Variants in GALNT14 observed in about 807,000 individuals in gnomAD.
GALNT14 encodes UDP-GalNAc:polypeptide N-acetylgalactosaminyltransferase 14.
GALNT14 carries 60 observed loss-of-function variants against 77.5 expected under a neutral mutation model. The observed-to-expected ratio is 0.77, with a 90% CI of 0.63 to 0.96. The LOEUF (loss-of-function observed/expected upper bound fraction) is 0.96, where lower values mean the gene tolerates loss of function less well. Among genes scored for constraint, GALNT14 ranks in the 40% least tolerant of loss-of-function variants. The pLI, the probability that GALNT14 is intolerant of heterozygous loss-of-function variation, is 0.00. For synonymous variants in GALNT14, 280 were observed against 281.7 expected, an observed-to-expected ratio of 0.99 and a Z score of 0.06; for missense variants, 710 against 731.0, an observed-to-expected ratio of 0.97 and a Z score of 0.33.
At chr2:31,062,954 T>C (rs1674697821) in intron 1 of GALNT14, among the ~76,000 whole-genome samples, 1 of 152,252 alleles carries the variant, frequency 6.6e-6, no homozygotes, top group Non-Finnish European at 1.5e-5. Flanking sequence ...TTGTAGATTC[T>C]GGATATTAGA....
At chr2:30,933,459 T>A (rs1665868546) in intron 9 of GALNT14, among the ~76,000 whole-genome samples, 1 of 152,110 alleles carries the variant, frequency 6.6e-6, no homozygotes, top group Admixed American at 6.5e-5. Context: ...CCTGCTCTCA[T>A]TCCCCTGTCC....
At chr2:31,063,819 A>G (rs577889904) in intron 1 of GALNT14, among the ~76,000 whole-genome samples, 1 of 152,080 alleles carries the variant, frequency 6.6e-6, no homozygotes, top group African/African-American at 2.4e-5. Flanking sequence ...TCTTTGTAGC[A>G]ATTCTGAATG....
chr2:31,112,077 T>C (rs1677867807), intron 1 of GALNT14, among the ~76,000 whole-genome samples: 1 of 151,962 alleles, frequency 6.6e-6, no homozygotes, highest in African/African-American at 2.4e-5. Context: ...CCATTTCAAT[T>C]GCCAATGCCA....
intron 1 of GALNT14, among the ~76,000 whole-genome samples, chr2:31,007,837 C>G (rs1231639197): frequency 6.6e-6 from 1 of 152,084 alleles, no homozygotes; most frequent in African/African-American, 2.4e-5. Context: ...ATTTCCAGAG[C>G]CATATTCTGG....
rs1275263141 is a variant in GALNT14, at chr2:30,995,369, G to A, written c.130-2362C>T. ...TACAGTATTCGGTGTAGGAACAGCT[G>A]TACAAATTTGTATTATAGCCTAGGA... On this transcript the variant is annotated intron_variant, in intron 1 of 14. Transcript: ENST00000349752. Among the ~76,000 whole-genome samples the A allele has an allele frequency of 2.6e-5, 4 of 152,254 alleles. No homozygotes were observed. In the South Asian group the frequency reaches 8.3e-4, roughly 32 times the overall value.
intron 13 of GALNT14, among the ~76,000 whole-genome samples, chr2:30,915,868 T>G (rs1314068705): frequency 6.6e-6 from 1 of 152,202 alleles, no homozygotes; most frequent in Non-Finnish European, 1.5e-5. Context: ...TTACAAAAGC[T>G]TATATGTAAC....
chr2:31,074,019 A>G lies in GALNT14; in HGVS notation c.129+63939T>C, dbSNP rs557436700. ...GTTCTCTGTGCATAGTAATAATTAAATGGGGTTTTACACTGCCAACAGCTG... is the reference window on the plus strand; with the variant it reads ...GTTCTCTGTGCATAGTAATAATTAAGTGGGGTTTTACACTGCCAACAGCTG... On this transcript the variant is annotated intron_variant, in intron 1 of 14. Transcript: ENST00000349752. Among the ~76,000 whole-genome samples, 5 of 152,326 alleles carry G rather than the reference A, an allele frequency of 3.3e-5. No homozygotes were observed. In the South Asian group the frequency reaches 8.3e-4, roughly 25 times the overall value.
chr2:31,134,609 C>T (rs1380781315), intron 1 of GALNT14, among the ~76,000 whole-genome samples: 1 of 152,216 alleles, frequency 6.6e-6, no homozygotes, highest in Non-Finnish European at 1.5e-5. Flanking sequence ...TGAGGGGAGC[C>T]TCCTGTGCCC....
chr2:31,052,796 T>G (rs982266086), intron 1 of GALNT14, among the ~76,000 whole-genome samples: 7 of 152,180 alleles, frequency 4.6e-5, no homozygotes, highest in African/African-American at 1.7e-4. Context: ...CCCAATTAAT[T>G]TGAATTTCAG....
chr2:31,107,782 T>C (rs1014200606), intron 1 of GALNT14, among the ~76,000 whole-genome samples: 1 of 152,174 alleles, frequency 6.6e-6, no homozygotes, highest in African/African-American at 2.4e-5. Context: ...TGTTTGCCAT[T>C]ATGAAGGGTT....
chr2:31,076,216 C>T (rs1675774873), intron 1 of GALNT14, among the ~76,000 whole-genome samples: 1 of 152,204 alleles, frequency 6.6e-6, no homozygotes, highest in Non-Finnish European at 1.5e-5. Flanking sequence ...ATTGAGTACC[C>T]ACCATGCACC....
chr2:31,046,492 T>C (rs1030588802), intron 1 of GALNT14, among the ~76,000 whole-genome samples: 1 of 152,158 alleles, frequency 6.6e-6, no homozygotes, highest in Non-Finnish European at 1.5e-5. Context: ...CATCCCTAAG[T>C]GCTGGGATTA....
intron 1 of GALNT14, among the ~76,000 whole-genome samples, chr2:31,075,157 C>T (rs1675680085): frequency 6.6e-6 from 1 of 152,184 alleles, no homozygotes; most frequent in Non-Finnish European, 1.5e-5. Flanking sequence ...GTTCTCTTTG[C>T]TCCTGCTCTG....
intron 2 of GALNT14, among the ~76,000 whole-genome samples, chr2:30,974,880 G>A (rs1456295073): frequency 6.6e-6 from 1 of 152,240 alleles, no homozygotes; most frequent in African/African-American, 2.4e-5. Flanking sequence ...AATGTCTGAA[G>A]AATGAGTGGA....
At chr2:31,009,158 T>C (rs1339298589) in intron 1 of GALNT14, among the ~76,000 whole-genome samples, 1 of 152,164 alleles carries the variant, frequency 6.6e-6, no homozygotes, top group Non-Finnish European at 1.5e-5. Flanking sequence ...CCAATAGATA[T>C]GCAGAAAGAA....
intron 1 of GALNT14, among the ~76,000 whole-genome samples, chr2:31,119,653 A>G (rs1205595423): frequency 6.6e-6 from 1 of 152,236 alleles, no homozygotes; most frequent in African/African-American, 2.4e-5. Context: ...TAATATAAAA[A>G]TTACAGACTC....
intron 10 of GALNT14, among the ~76,000 whole-genome samples, chr2:30,930,738 A>T (rs1665674315): frequency 6.6e-6 from 1 of 152,238 alleles, no homozygotes; most frequent in African/African-American, 2.4e-5. Flanking sequence ...AGGACCTGCA[A>T]TGACAGTTTA....
intron 1 of GALNT14, among the ~76,000 whole-genome samples, chr2:31,010,370 C>A (rs12989187): frequency 6.6e-6 from 1 of 151,942 alleles, no homozygotes; most frequent in Non-Finnish European, 1.5e-5. Flanking sequence ...GAGGCCAAGG[C>A]GGGCAGATCA....
the GALNT14 span, among the ~76,000 whole-genome samples, chr2:30,890,480 T>C: frequency 6.6e-6 from 1 of 152,324 alleles, no homozygotes; most frequent in East Asian, 1.9e-4. Context: ...AAATAATATA[T>C]GTAAATCAAT....
Sources: allele counts gnomAD v4.1 joint callset (sites outside exome capture counted in the v4.1 genomes callset), GRCh38; gene constraint gnomAD v4.1.1; transcripts MANE v1.5; gene names NCBI Gene and HGNC (gene_info 2026-07-23, HGNC 2026-07-21).